The following EYS variants were observed in gnomAD, a reference collection of about 807,000 sequenced individuals.
EYS encodes EGF-like photoreceptor maintenance factor.
EYS carries 250 observed loss-of-function variants against 282.1 expected under a neutral mutation model. The ratio of observed to expected loss-of-function variants is 0.89; its 90% CI spans 0.80 to 0.98. EYS has a LOEUF of 0.98. Ranked by LOEUF, EYS falls within the 50% of genes least tolerant of loss-of-function variation. The probability of loss-of-function intolerance (pLI) is 0.00; values close to 1 mark genes in which losing one functional copy is unlikely to be tolerated. For synonymous variants in EYS, 1,355 were observed against 1,282.9 expected (o/e 1.06, Z -1.20); for missense variants, 4,016 against 3,709.0 (o/e 1.08, Z -2.15).
chr6:64,915,137 C>T (rs1407642543), intron 15 of EYS, among the ~76,000 whole-genome samples: 1 of 151,930 alleles, frequency 6.6e-6, no homozygotes, highest in Non-Finnish European at 1.5e-5. Flanking sequence ...TCTCCTATAT[C>T]CCATTACTGA....
chr6:65,603,839 C>T (rs1765690452), intron 2 of EYS, among the ~76,000 whole-genome samples: 1 of 151,760 alleles, frequency 6.6e-6, no homozygotes, highest in Admixed American at 6.6e-5. Context: ...GTTTGGGGTA[C>T]TTCCTTGATT....
intron 36 of EYS, among the ~76,000 whole-genome samples, chr6:63,823,955 G>C (rs1319799837): frequency 1.3e-5 from 2 of 151,862 alleles, no homozygotes; most frequent in Non-Finnish European, 2.9e-5. Flanking sequence ...CTAGCCTCTT[G>C]CCCAATGCAA....
At chr6:65,490,369 A>G in intron 5 of EYS, 1 of 380,206 alleles carries the variant, frequency 2.6e-6, no homozygotes, top group Non-Finnish European at 4.8e-6. Context: ...AAGCATGTGA[A>G]CTGTTGTTCA....
chr6:65,081,952 C>T (rs1259157702), intron 12 of EYS, among the ~76,000 whole-genome samples: 1 of 152,158 alleles, frequency 6.6e-6, no homozygotes, highest in South Asian at 2.1e-4. Flanking sequence ...GCTAAGCTAT[C>T]AGCACTGTCG....
At chr6:64,031,718 G>C (rs1769850278) in intron 33 of EYS, among the ~76,000 whole-genome samples, 1 of 152,134 alleles carries the variant, frequency 6.6e-6, no homozygotes, top group African/African-American at 2.4e-5. Flanking sequence ...TACTCTGGTG[G>C]GGACTTGGAG....
intron 35 of EYS, among the ~76,000 whole-genome samples, chr6:63,955,696 A>G (rs527466814): frequency 2.0e-5 from 3 of 152,266 alleles, no homozygotes; most frequent in Non-Finnish European, 2.9e-5. Flanking sequence ...GCCTAAATCA[A>G]TCTGGCCTGG....
chr6:65,351,066 T>C (rs999178439), intron 9 of EYS, among the ~76,000 whole-genome samples: 13 of 151,752 alleles, frequency 8.6e-5, no homozygotes, highest in African/African-American at 3.1e-4. Context: ...TTGCAATACA[T>C]AAAATGTATA....
chr6:64,938,658 A>G (rs917184887), intron 15 of EYS, among the ~76,000 whole-genome samples: 1 of 151,750 alleles, frequency 6.6e-6, no homozygotes, highest in Non-Finnish European at 1.5e-5. Flanking sequence ...TCAATAATTT[A>G]TTATAAAATA....
chr6:64,858,840 C>T (rs1308054798), intron 19 of EYS, among the ~76,000 whole-genome samples: 1 of 152,090 alleles, frequency 6.6e-6, no homozygotes, highest in African/African-American at 2.4e-5. Flanking sequence ...TGTACCTCAA[C>T]ACAGTTAAGG....
At chr6:64,773,304 C>G (rs768056136) in intron 22 of EYS, among the ~76,000 whole-genome samples, 4 of 151,856 alleles carry the variant, frequency 2.6e-5, no homozygotes, top group Non-Finnish European at 5.9e-5. Flanking sequence ...CTGCAAAGGG[C>G]ATGATCTCAT....
chr6:63,867,303 TG>T (rs1363556717), intron 35 of EYS, among the ~76,000 whole-genome samples: 4 of 152,210 alleles, frequency 2.6e-5, no homozygotes, highest in African/African-American at 7.2e-5. Flanking sequence ...ATTTTTTTCA[TG>T]GAATATATCT....
intron 30 of EYS, among the ~76,000 whole-genome samples, chr6:64,294,685 T>A (rs981939861): frequency 6.6e-6 from 1 of 152,190 alleles, no homozygotes; most frequent in Admixed American, 6.5e-5. Context: ...GTGGTTATAC[T>A]TGCACTGATA....
intron 39 of EYS, among the ~76,000 whole-genome samples, chr6:63,778,408 G>T (rs1021388560): frequency 6.6e-6 from 1 of 152,060 alleles, no homozygotes; most frequent in Non-Finnish European, 1.5e-5. Context: ...GTGTGTGTGT[G>T]TGTGGTATTT....
At chr6:64,461,016 T>C (rs532038244) in intron 26 of EYS, among the ~76,000 whole-genome samples, 2 of 152,296 alleles carry the variant, frequency 1.3e-5, no homozygotes, top group South Asian at 2.1e-4. Flanking sequence ...ATATTGAGCA[T>C]AGACACACAG....
rs146659705 is a variant in EYS at position 63,746,071 on chromosome 6, C to T, written c.8071+16390G>A. On this transcript the variant is annotated intron_variant, in intron 41 of 42. Coordinates refer to ENST00000503581, the MANE Select transcript of EYS (RefSeq NM_001142800.2). The stretch of plus-strand genomic sequence containing the variant: ...ATACATTTTTATTGCTTGAGCCACC[C>T]AGTCTGTGGTATTTTGAGATACTTT... 3.8e-3 allele frequency among the ~76,000 whole-genome samples: 586 copies of T among 152,230 alleles called. 3 individuals are homozygous for T. Among genetic ancestry groups the T allele is most frequent in the African/African-American group, 0.012 (510 of 41,550 alleles).
chr6:64,420,153 C>T (rs1026082185), intron 28 of EYS, among the ~76,000 whole-genome samples: 12 of 152,214 alleles, frequency 7.9e-5, no homozygotes, highest in African/African-American at 2.7e-4. Flanking sequence ...TATCCACAGG[C>T]TCAACACCAT....
chr6:65,123,179 C>A (rs1320586219), intron 12 of EYS, among the ~76,000 whole-genome samples: 3 of 151,924 alleles, frequency 2.0e-5, no homozygotes, highest in Non-Finnish European at 4.4e-5. Flanking sequence ...AATGTACAAA[C>A]ATTAAAAAAA....
chr6:64,726,589 G>A (rs1771765877), intron 22 of EYS, among the ~76,000 whole-genome samples: 1 of 152,056 alleles, frequency 6.6e-6, no homozygotes, highest in African/African-American at 2.4e-5. Context: ...AAATGCTCTT[G>A]TAAAGAACAC....
In EYS at chr6:64,587,359, A is replaced by G. The variant is rs528915908; in HGVS notation, c.5644+2864T>C. On this transcript the variant is annotated intron_variant, in intron 26 of 42. Transcript: ENST00000503581. ...AAGCAGACAACTCCCTTCATCATTT[A>G]CACATTTGTTCTATATTTTGGCAGT... Among the ~76,000 whole-genome samples the G allele has an allele frequency of 4.1e-4, 63 of 152,184 alleles. 1 individual carries two copies. Among genetic ancestry groups the G allele is most frequent in the South Asian group, 3.7e-3 (18 of 4,822 alleles).
Sources: allele counts gnomAD v4.1 joint callset (sites outside exome capture counted in the v4.1 genomes callset), GRCh38; gene constraint gnomAD v4.1.1; transcripts MANE v1.5; gene names NCBI Gene and HGNC (gene_info 2026-07-23, HGNC 2026-07-21).